Variants in CMIP observed in about 807,000 individuals in gnomAD.
CMIP encodes the protein c-Maf inducing protein.
CMIP carries 13 observed loss-of-function variants against 97.3 expected under a neutral mutation model. That is an observed-to-expected ratio of 0.13 (90% CI 0.09 to 0.21). CMIP has a LOEUF of 0.21. Ranked by LOEUF, CMIP falls within the 10% of genes least tolerant of loss-of-function variation. The pLI is 1.00. For synonymous variants in CMIP, 538 were observed against 436.3 expected (o/e 1.23, Z -2.91); for missense variants, 847 against 1,024.9 (o/e 0.83, Z 2.37).
At chr16:81,552,144 C>G (rs568218344) in intron 1 of CMIP, among the ~76,000 whole-genome samples, 93 of 152,234 alleles carry the variant, frequency 6.1e-4, no homozygotes, top group African/African-American at 2.1e-3. Flanking sequence ...TAGCGGTGGC[C>G]TGGCTGCAAG....
intron 1 of CMIP, among the ~76,000 whole-genome samples, chr16:81,449,672 C>T (rs957385938): frequency 6.8e-6 from 1 of 146,832 alleles, no homozygotes; most frequent in Admixed American, 6.7e-5. Flanking sequence ...ACAGATTTCC[C>T]CCCCCCCCTT....
intron 10 of CMIP, among the ~76,000 whole-genome samples, chr16:81,687,357 C>A (rs1464585958): frequency 6.6e-6 from 1 of 152,186 alleles, no homozygotes; most frequent in African/African-American, 2.4e-5. Context: ...GCTCCAGTGG[C>A]CACCCCTCAC....
At chr16:81,493,228 G>A (rs1168157405) in intron 1 of CMIP, among the ~76,000 whole-genome samples, 1 of 152,094 alleles carries the variant, frequency 6.6e-6, no homozygotes, top group Non-Finnish European at 1.5e-5. Context: ...TCTCCTCTAG[G>A]GCCCTCCCCC....
rs1349781812 is a variant in CMIP, at chr16:81,445,287, A to G, written c.46A>G (p.Ile16Val). ...GGGCGGCGGCGGCGACCCCCGGCAG[A>G]TCGAGGAGACCAAGCCGCTGCTGGG... Reference protein sequence around the residue: ...SSGGGGDPRQIEETKPLLGGD... With the variant: ...SSGGGGDPRQVEETKPLLGGD... Residue 16 changes from isoleucine to valine, a missense_variant, in exon 1 of 21, where the codon ATC becomes GTC. By Grantham distance (29) the Ile-to-Val change is conservative. Coordinates refer to ENST00000537098, the MANE Select transcript of CMIP (RefSeq NM_198390.3). 6.4e-7 allele frequency: 1 copy of G among 1,551,326 alleles called. No individual in the cohort carries two copies. The highest frequency in any genetic ancestry group is 1.9e-5 in the Admixed American group (1 of 51,282).
chr16:81,689,872 T>C (rs992288582), intron 10 of CMIP, among the ~76,000 whole-genome samples: 7 of 152,242 alleles, frequency 4.6e-5, no homozygotes, highest in Admixed American at 1.3e-4. Flanking sequence ...TTTCTACATA[T>C]GGCTAGCCAG....
intron 1 of CMIP, among the ~76,000 whole-genome samples, chr16:81,447,017 C>G (rs547143153): frequency 6.6e-6 from 1 of 152,188 alleles, no homozygotes; most frequent in Non-Finnish European, 1.5e-5. Context: ...GCCCAGTCCC[C>G]GGTCAGGCTG....
intron 1 of CMIP, among the ~76,000 whole-genome samples, chr16:81,447,992 GTTTTATAGT>G (rs1229432618): frequency 6.6e-6 from 1 of 152,232 alleles, no homozygotes; most frequent in Non-Finnish European, 1.5e-5. Context: ...ATCTGTCTGC[GTTTTATAGT>G]GCGGCCCAAG....
intron 1 of CMIP, among the ~76,000 whole-genome samples, chr16:81,605,626 C>T (rs1447158217): frequency 6.6e-6 from 1 of 152,236 alleles, no homozygotes; most frequent in African/African-American, 2.4e-5. Context: ...ACCTTCTGCT[C>T]CTCCTTGAAC....
At chr16:81,486,972 G>A (rs1450933392) in intron 1 of CMIP, among the ~76,000 whole-genome samples, 1 of 152,270 alleles carries the variant, frequency 6.6e-6, no homozygotes, top group African/African-American at 2.4e-5. Flanking sequence ...AACCGCACTG[G>A]GCGTTGAGCG....
At chr16:81,667,129 G>A (rs970710756) in intron 7 of CMIP, 1 of 152,234 alleles carries the variant, frequency 6.6e-6, no homozygotes, top group African/African-American at 2.4e-5. Context: ...CGTAGCCACG[G>A]TGCTGTTCTG....
At chr16:81,526,251 G>A (rs1332796526) in intron 1 of CMIP, among the ~76,000 whole-genome samples, 1 of 152,200 alleles carries the variant, frequency 6.6e-6, no homozygotes, top group Non-Finnish European at 1.5e-5. Context: ...TCCTTGGATA[G>A]AATTCAAGTG....
At chr16:81,573,197 A>G (rs2150892346) in intron 1 of CMIP, among the ~76,000 whole-genome samples, 1 of 152,234 alleles carries the variant, frequency 6.6e-6, no homozygotes, top group East Asian at 1.9e-4. Flanking sequence ...TACAAACGTT[A>G]GCCGGGCGTG....
At chr16:81,558,445 C>T (rs1335840280) in intron 1 of CMIP, among the ~76,000 whole-genome samples, 1 of 152,216 alleles carries the variant, frequency 6.6e-6, no homozygotes, top group Admixed American at 6.5e-5. Flanking sequence ...TTTTGGGGAC[C>T]TGCCAGATTA....
In CMIP at chr16:81,711,618, GAA is replaced by G. The variant is rs11307650; in HGVS notation, c.*1830_*1831del. On this transcript the variant is annotated 3_prime_UTR_variant, in exon 21 of 21. Transcript: ENST00000537098. ...AATAAAAATAAAAAAAATAAAAAAG[GAA>G]AAAAAAAAAAGAAGAAACAAGACAT... 4.1e-4 allele frequency: 60 copies of G among 145,238 alleles called. No individual in the cohort carries two copies. The highest frequency in any genetic ancestry group is 9.9e-4 in the East Asian group (5 of 5,042). 9.0% of individuals were successfully genotyped at this position (145,238 alleles called of 1,614,324 possible).
intron 1 of CMIP, among the ~76,000 whole-genome samples, chr16:81,474,912 G>A (rs543043038): frequency 2.0e-5 from 3 of 152,364 alleles, no homozygotes; most frequent in Middle Eastern, 6.8e-3. Context: ...ACTGCTGGTG[G>A]ACTGAATGTG....
intron 12 of CMIP, 74 bp downstream of exon 12, chr16:81,693,258 C>T (rs2288011): frequency 6.9e-7 from 1 of 1,452,064 alleles, no homozygotes; most frequent in Non-Finnish European, 9.6e-7. Context: ...CCTCCGTGGC[C>T]CATGCATTCT....
chr16:81,683,756 C>CTTTTTTTTTTTTTTTTTTTTTTTTT (rs71272426), intron 10 of CMIP, among the ~76,000 whole-genome samples: 4 of 81,612 alleles, frequency 4.9e-5, no homozygotes, highest in Non-Finnish European at 7.0e-5. Context: ...TTTTCTTTTT[C>CTTTTTTTTTTTTTTTTTTTTTTTTT]TTTTTTTTTT....
intron 7 of CMIP, among the ~76,000 whole-genome samples, chr16:81,669,331 A>C (rs1237704563): frequency 6.3e-5 from 1 of 15,872 alleles, no homozygotes; most frequent in African/African-American, 2.4e-4. Flanking sequence ...CCCACTTCAT[A>C]CCTCCTTCCA....
intron 3 of CMIP, among the ~76,000 whole-genome samples, chr16:81,624,512 C>T (rs2092034186): frequency 6.6e-6 from 1 of 151,882 alleles, no homozygotes; most frequent in African/African-American, 2.4e-5. Context: ...AAAAATGCCA[C>T]CTCCTAAATA....
Sources: gnomAD v4.1 joint callset for allele counts (sites outside exome capture counted in the v4.1 genomes callset) on GRCh38, gnomAD v4.1.1 for gene constraint, MANE v1.5 for transcripts, NCBI Gene and HGNC (gene_info 2026-07-23, HGNC 2026-07-21) for gene names.